SYT14: variants seen among roughly 807,000 people sequenced by gnomAD.
SYT14 encodes the protein synaptotagmin-14.
A neutral mutation model predicts 74.2 loss-of-function variants in SYT14; 32 were observed. That is an observed-to-expected ratio of 0.43 (90% CI 0.33 to 0.58). The LOEUF (loss-of-function observed/expected upper bound fraction) is 0.58. Among genes scored for constraint, SYT14 ranks in the 20% least tolerant of loss-of-function variants. The pLI is 0.05. For missense variants in SYT14, 791 were observed against 981.8 expected, an observed-to-expected ratio of 0.81 and a Z score of 2.60; for synonymous variants, 298 against 337.7, an observed-to-expected ratio of 0.88 and a Z score of 1.29.
At chr1:210,078,432 T>C (rs1572261697) in intron 5 of SYT14, among the ~76,000 whole-genome samples, 1 of 152,098 alleles carries the variant, frequency 6.6e-6, no homozygotes, top group Admixed American at 6.5e-5. Flanking sequence ...TAGTAGGTCT[T>C]GACAAACACT....
At chr1:210,051,287 A>G (rs1393935147) in intron 5 of SYT14, among the ~76,000 whole-genome samples, 1 of 152,200 alleles carries the variant, frequency 6.6e-6, no homozygotes, top group Non-Finnish European at 1.5e-5. Flanking sequence ...TGTCCTCAGA[A>G]TATATCCAAT....
exon 4 of SYT14, chr1:210,016,009 A>C: frequency 8.1e-7 from 1 of 1,232,052 alleles, no homozygotes; most frequent in Middle Eastern, 3.1e-4. Flanking sequence ...AGAAAATGGC[A>C]TTTTTCAGAA....
rs72649946 is a variant in SYT14 at position 210,066,832 on chromosome 1, A to T, written c.1313-27490A>T. On this transcript the variant is annotated intron_variant, in intron 5 of 9. Transcript: ENST00000637265. ...AATGAAAAGTGTTTGATGAATTTCAATTTATCTCTTGGTCCTTTTGTTGCC... is the reference window on the plus strand; with the variant it reads ...AATGAAAAGTGTTTGATGAATTTCATTTTATCTCTTGGTCCTTTTGTTGCC... Among the ~76,000 whole-genome samples, 440 of 152,110 alleles carry T rather than the reference A, an allele frequency of 2.9e-3. 11 individuals are homozygous for T. The East Asian group carries it at 0.058, about 20-fold the overall frequency.
At chr1:210,029,810 C>T (rs1411098398) in intron 5 of SYT14, among the ~76,000 whole-genome samples, 1 of 152,118 alleles carries the variant, frequency 6.6e-6, no homozygotes. Flanking sequence ...GTGGAGGTGG[C>T]ATTAAATCTG....
intron 1 of SYT14, among the ~76,000 whole-genome samples, chr1:209,939,945 C>G (rs1219391502): frequency 3.3e-5 from 5 of 152,290 alleles, no homozygotes; most frequent in South Asian, 4.1e-4. Flanking sequence ...TGGCATTTTA[C>G]TCTGCCTACT....
rs2079548417 is a variant in SYT14 at position 209,985,075 on chromosome 1, T to A, written c.-485-28558T>A. Among the ~76,000 whole-genome samples the A allele has an allele frequency of 3.9e-5, 6 of 152,142 alleles. No homozygotes were observed. The South Asian group carries it at 1.2e-3, about 32-fold the overall frequency. ...TCATTCCACCCCTGGCCCCACAAAATCTCATGTCCTTCTCATGTTGCTAAA... is the reference window on the plus strand; with the variant it reads ...TCATTCCACCCCTGGCCCCACAAAAACTCATGTCCTTCTCATGTTGCTAAA... On this transcript the variant is annotated intron_variant, in intron 2 of 9. Transcript: ENST00000637265.
intron 2 of SYT14, among the ~76,000 whole-genome samples, chr1:209,967,299 A>T (rs1016977871): frequency 1.3e-5 from 2 of 152,072 alleles, no homozygotes; most frequent in Non-Finnish European, 2.9e-5. Context: ...TAGTTTTAGT[A>T]TCAGGATGAT....
At chr1:210,012,102 A>AT (rs537257268) in intron 2 of SYT14, among the ~76,000 whole-genome samples, 3 of 152,074 alleles carry the variant, frequency 2.0e-5, no homozygotes, top group Non-Finnish European at 4.4e-5. Flanking sequence ...ATATAATGTG[A>AT]TTTTCTGTCT....
intron 1 of SYT14, among the ~76,000 whole-genome samples, chr1:209,950,475 C>T (rs1171994117): frequency 2.0e-5 from 3 of 152,134 alleles, no homozygotes; most frequent in Non-Finnish European, 2.9e-5. Flanking sequence ...GTGGGTAATA[C>T]TCCAGTTAGC....
At chr1:210,073,694 T>G (rs1414386076) in intron 5 of SYT14, among the ~76,000 whole-genome samples, 2 of 151,986 alleles carry the variant, frequency 1.3e-5, no homozygotes, top group Non-Finnish European at 2.9e-5. Flanking sequence ...TGGGTTTTTG[T>G]TTTTGTTTTT....
intron 5 of SYT14, among the ~76,000 whole-genome samples, chr1:210,050,651 G>A (rs2080976374): frequency 1.3e-5 from 2 of 152,178 alleles, no homozygotes; most frequent in Admixed American, 6.5e-5. Context: ...GTATCACATC[G>A]TTTGGGAGGC....
chr1:210,015,970 AT>A (rs2080174663), exon 4 of SYT14: 1 of 1,231,900 alleles, frequency 8.1e-7, no homozygotes, highest in African/African-American at 1.5e-5. Flanking sequence ...AGAAAATTCC[AT>A]TATTGCACCT....
At chr1:210,142,108 C>T (rs529642942) in intron 7 of SYT14, among the ~76,000 whole-genome samples, 195 of 152,280 alleles carry the variant, frequency 1.3e-3, no homozygotes, top group African/African-American at 4.4e-3. Flanking sequence ...GAACTTTTCA[C>T]AGAACTGTGA....
At chr1:210,168,720 C>G (rs941042830) in exon 10 of SYT14, 2 of 152,176 alleles carry the variant, frequency 1.3e-5, no homozygotes, top group East Asian at 3.9e-4. Flanking sequence ...AACCTCGTAA[C>G]GTCACTTCAC....
chr1:209,992,537 A>G (rs2079710522), intron 2 of SYT14, among the ~76,000 whole-genome samples: 1 of 152,278 alleles, frequency 6.6e-6, no homozygotes. Flanking sequence ...AGTAGGATGG[A>G]AGTGTGAGAG....
intron 5 of SYT14, among the ~76,000 whole-genome samples, chr1:210,045,317 C>T (rs2080864781): frequency 1.3e-5 from 2 of 151,998 alleles, no homozygotes; most frequent in Non-Finnish European, 2.9e-5. Context: ...AAAATTAATT[C>T]GATTTGTGTA....
intron 5 of SYT14, among the ~76,000 whole-genome samples, chr1:210,090,387 G>A (rs1032559867): frequency 1.1e-4 from 16 of 150,796 alleles, no homozygotes; most frequent in African/African-American, 3.7e-4. Flanking sequence ...AAAGAATTCT[G>A]CAGTCGTTGA....
Position 210,157,611 on chromosome 1 carries a change from G to A in SYT14, c.2224+1701G>A, listed in dbSNP as rs113185600. 7.7e-3 allele frequency among the ~76,000 whole-genome samples: 1,160 copies of A among 151,474 alleles called. 4 individuals carry two copies. The highest frequency in any genetic ancestry group is 0.024 in the Middle Eastern group (7 of 290). Reference sequence around the variant, plus strand: ...CAAAAAATTAACTGGGCATGGTGGCGCGTGCCTGTAATCCCAGCTACTTGG... The same window carrying A: ...CAAAAAATTAACTGGGCATGGTGGCACGTGCCTGTAATCCCAGCTACTTGG... On this transcript the variant is annotated intron_variant, in intron 8 of 9. Transcript: ENST00000637265.
intron 2 of SYT14, 74 bp from the exon 3 acceptor site, chr1:210,013,559 T>C (rs1169386225): frequency 2.2e-6 from 3 of 1,359,568 alleles, no homozygotes; most frequent in East Asian, 2.3e-5. Flanking sequence ...GCTAACTTAA[T>C]GTTTGGGGTT....
Sources: gnomAD v4.1 joint callset for allele counts (sites outside exome capture counted in the v4.1 genomes callset) on GRCh38, gnomAD v4.1.1 for gene constraint, MANE v1.5 for transcripts, NCBI Gene and HGNC (gene_info 2026-07-23, HGNC 2026-07-21) for gene names.